GRID2: variants seen among roughly 807,000 people sequenced by gnomAD.
GRID2 encodes glutamate receptor ionotropic, delta-2.
Under a neutral mutation model 114.8 loss-of-function variants are expected in GRID2, and 33 were observed. The ratio of observed to expected loss-of-function variants is 0.29; its 90% CI spans 0.22 to 0.38. GRID2 has a LOEUF of 0.38. Among genes scored for constraint, GRID2 ranks in the 10% least tolerant of loss-of-function variants. The pLI is 1.00. For synonymous variants in GRID2, 505 were observed against 449.9 expected (o/e 1.12, Z -1.55); for missense variants, 1,184 against 1,257.7 (o/e 0.94, Z 0.89).
At chr4:92,936,618 T>C (rs1037063311) in intron 2 of GRID2, among the ~76,000 whole-genome samples, 1 of 146,092 alleles carries the variant, frequency 6.8e-6, no homozygotes, top group African/African-American at 2.4e-5. Context: ...AACATCAAAT[T>C]TGTAGGCCTG....
At chr4:92,569,348 A>G (rs1727498931) in intron 1 of GRID2, among the ~76,000 whole-genome samples, 1 of 149,690 alleles carries the variant, frequency 6.7e-6, no homozygotes, top group African/African-American at 2.5e-5. Context: ...TATATTTACC[A>G]TATTTTCTTT....
At chr4:93,526,718 A>G (rs749668070) in intron 13 of GRID2, among the ~76,000 whole-genome samples, 3 of 152,230 alleles carry the variant, frequency 2.0e-5, no homozygotes, top group African/African-American at 7.2e-5. Flanking sequence ...CTGAGGCAGA[A>G]GAATCACTTG....
intron 1 of GRID2, among the ~76,000 whole-genome samples, chr4:92,545,632 A>G (rs1208616568): frequency 6.6e-6 from 1 of 152,216 alleles, no homozygotes; most frequent in Non-Finnish European, 1.5e-5. Flanking sequence ...AAGGTTTAAC[A>G]TTATAATCTG....
At chr4:92,525,391 G>C (rs1393995748) in intron 1 of GRID2, among the ~76,000 whole-genome samples, 1 of 152,008 alleles carries the variant, frequency 6.6e-6, no homozygotes, top group Non-Finnish European at 1.5e-5. Context: ...GGTGTCAAAT[G>C]GACCTTACAT....
At chr4:92,743,534 C>T (rs1020988944) in intron 2 of GRID2, among the ~76,000 whole-genome samples, 1 of 152,126 alleles carries the variant, frequency 6.6e-6, no homozygotes, top group Non-Finnish European at 1.5e-5. Flanking sequence ...TTCTTCACTA[C>T]ATATTTTTAT....
At chr4:93,072,666 G>A (rs1173238900) in intron 2 of GRID2, among the ~76,000 whole-genome samples, 1 of 150,292 alleles carries the variant, frequency 6.7e-6, no homozygotes, top group African/African-American at 2.4e-5. Context: ...AAAAAAAAAA[G>A]ACTCACATAT....
Position 93,472,247 on chromosome 4 carries a change from C to T in GRID2, c.1858+16273C>T, listed in dbSNP as rs191189821. ...GCTGAGGCAGGAGAATCATTGAACC[C>T]AGAAGGCGGAGGTTGCAGTGAACCA... On this transcript the variant is annotated intron_variant, in intron 11 of 15. Coordinates refer to ENST00000282020, the MANE Select transcript of GRID2 (RefSeq NM_001510.4). Among the ~76,000 whole-genome samples the T allele has an allele frequency of 3.9e-3, 599 of 151,882 alleles. 3 individuals are homozygous for T. The highest frequency in any genetic ancestry group is 8.5e-3 in the South Asian group (41 of 4,804).
intron 14 of GRID2, among the ~76,000 whole-genome samples, chr4:93,636,397 C>T (rs1721412849): frequency 6.6e-6 from 1 of 151,906 alleles, no homozygotes; most frequent in Non-Finnish European, 1.5e-5. Flanking sequence ...CTTAAAACCA[C>T]AAATTTACAC....
At chr4:93,013,527 T>G (rs113908217) in intron 2 of GRID2, among the ~76,000 whole-genome samples, 3 of 152,018 alleles carry the variant, frequency 2.0e-5, no homozygotes, top group African/African-American at 7.2e-5. Context: ...TATATATATA[T>G]ACCCACACAC....
At chr4:92,738,030 T>G (rs2149329145) in intron 2 of GRID2, among the ~76,000 whole-genome samples, 1 of 152,288 alleles carries the variant, frequency 6.6e-6, no homozygotes, top group East Asian at 1.9e-4. Flanking sequence ...TTTTGCACAT[T>G]TTTGGCCAAG....
Position 92,304,549 on chromosome 4 carries a change from A to C in GRID2, c.-108A>C. Reference sequence around the variant, plus strand: ...CTCTGGCAATAGGAATTTAGAAAAAAAGAAAAAGCTGCGCTAAACTCCACC... The same window carrying C: ...CTCTGGCAATAGGAATTTAGAAAAACAGAAAAAGCTGCGCTAAACTCCACC... On this transcript the variant is annotated 5_prime_UTR_variant, in exon 1 of 16. Coordinates refer to ENST00000282020, the MANE Select transcript of GRID2 (RefSeq NM_001510.4). 1 of 746,306 alleles carries C rather than the reference A, an allele frequency of 1.3e-6. No individual in the cohort carries two copies. The highest frequency in any genetic ancestry group is 2.3e-6 in the Non-Finnish European group (1 of 427,450). 46.2% of individuals were successfully genotyped at this position (746,306 alleles called of 1,614,324 possible). A position where few individuals can be genotyped will look rare whatever the true frequency, so the allele number is the denominator to read the frequency against.
intron 1 of GRID2, among the ~76,000 whole-genome samples, chr4:92,506,977 C>T (rs1724008006): frequency 6.6e-6 from 1 of 151,836 alleles, no homozygotes; most frequent in Admixed American, 6.6e-5. Context: ...TGGATTATTT[C>T]CTCTAATACT....
At chr4:92,544,309 T>A (rs2149165878) in intron 1 of GRID2, among the ~76,000 whole-genome samples, 1 of 152,276 alleles carries the variant, frequency 6.6e-6, no homozygotes, top group South Asian at 2.1e-4. Context: ...ATCATCATTT[T>A]ATAAAAATCT....
At chr4:93,222,112 G>A (rs1371610730) in intron 6 of GRID2, among the ~76,000 whole-genome samples, 1 of 152,002 alleles carries the variant, frequency 6.6e-6, no homozygotes, top group East Asian at 1.9e-4. Context: ...CCAAATATGT[G>A]CGAGGCTCTA....
At chr4:93,502,376 A>C (rs981790013) in intron 12 of GRID2, among the ~76,000 whole-genome samples, 6 of 152,050 alleles carry the variant, frequency 3.9e-5, no homozygotes, top group Admixed American at 6.6e-5. Context: ...TATATCAACT[A>C]TACCAATGAG....
chr4:92,383,655 T>A (rs1236260949), intron 1 of GRID2, among the ~76,000 whole-genome samples: 1 of 151,924 alleles, frequency 6.6e-6, no homozygotes. Context: ...CTGTGTATGT[T>A]TTCTTTCTCT....
intron 1 of GRID2, among the ~76,000 whole-genome samples, chr4:92,376,766 A>G (rs1729375638): frequency 1.3e-5 from 2 of 152,152 alleles, no homozygotes; most frequent in African/African-American, 4.8e-5. Flanking sequence ...TGCAGACTCA[A>G]CACCACATGG....
chr4:92,892,719 A>T (rs917758850), intron 2 of GRID2, among the ~76,000 whole-genome samples: 2 of 152,228 alleles, frequency 1.3e-5, no homozygotes, highest in South Asian at 4.1e-4. Context: ...ACTGATAGAA[A>T]ATCCACTTGG....
intron 1 of GRID2, among the ~76,000 whole-genome samples, chr4:92,305,029 A>G (rs978722271): frequency 3.3e-5 from 5 of 152,124 alleles, no homozygotes; most frequent in African/African-American, 1.2e-4. Context: ...TGGGAACTGC[A>G]GGGGGATTCT....
Sources: gnomAD v4.1 joint callset for allele counts (sites outside exome capture counted in the v4.1 genomes callset) on GRCh38, gnomAD v4.1.1 for gene constraint, MANE v1.5 for transcripts, NCBI Gene and HGNC (gene_info 2026-07-23, HGNC 2026-07-21) for gene names.